IQCE: variants seen among roughly 807,000 people sequenced by gnomAD.
The protein encoded by IQCE is IQ motif containing E.
In IQCE, 115 loss-of-function variants were observed where a neutral mutation model predicts 96.0. The observed-to-expected ratio is 1.20, with a 90% CI of 1.03 to 1.40. The LOEUF is 1.40. Ranked by LOEUF, IQCE falls within the 40% of genes most tolerant of loss-of-function variation. The pLI is 0.00. For missense variants in IQCE, 1,041 were observed against 909.1 expected, an observed-to-expected ratio of 1.15 and a Z score of -1.87; for synonymous variants, 412 against 371.2, an observed-to-expected ratio of 1.11 and a Z score of -1.26.
intron 1 of IQCE, 33 bp downstream of exon 1, chr7:2,559,250 G>C: frequency 8.4e-7 from 1 of 1,193,074 alleles, no homozygotes; most frequent in East Asian, 3.4e-5. Flanking sequence ...CGCCGGGCGG[G>C]CGTCCGCGAG....
chr7:2,594,540 G>A (rs546141631), intron 15 of IQCE, among the ~76,000 whole-genome samples: 13 of 152,368 alleles, frequency 8.5e-5, no homozygotes, highest in African/African-American at 2.6e-4. Context: ...GATCACAGGC[G>A]TCCGGCCTGG....
intron 6 of IQCE, among the ~76,000 whole-genome samples, chr7:2,575,980 G>A (rs1425211314): frequency 1.3e-5 from 2 of 152,192 alleles, no homozygotes; most frequent in Non-Finnish European, 2.9e-5. Flanking sequence ...TCTTGGAAGC[G>A]GCAGTCCCGT....
intron 18 of IQCE, among the ~76,000 whole-genome samples, chr7:2,602,768 A>C (rs1401823791): frequency 6.6e-6 from 1 of 152,172 alleles, no homozygotes; most frequent in Admixed American, 6.5e-5. Flanking sequence ...CCAGCCAGAC[A>C]CTGTCCAAAT....
chr7:2,575,202 G>C (rs989850048), intron 6 of IQCE, among the ~76,000 whole-genome samples: 10 of 152,260 alleles, frequency 6.6e-5, no homozygotes, highest in Non-Finnish European at 1.5e-4. Flanking sequence ...TCAATCCTGT[G>C]TTGTGGCAGG....
rs201584093 is a variant in IQCE, at chr7:2,584,673, G to A, written c.824+388G>A. On this transcript the variant is annotated intron_variant, in intron 11 of 21. Transcript: ENST00000402050. ...AAATAAGTTTATCAGGAGAAACACC[G>A]AGGTTCTCCTTGTCTGGTAGATCTC... 5 of 196,876 alleles carry A rather than the reference G, an allele frequency of 2.5e-5. No individual in the cohort carries two copies. In the East Asian group the frequency reaches 4.3e-4, roughly 17 times the overall value. 12.2% of individuals were successfully genotyped at this position (196,876 alleles called of 1,614,324 possible). A position where few individuals can be genotyped will look rare whatever the true frequency, so the allele number is the denominator to read the frequency against.
chr7:2,594,695 G>A (rs1413566044), intron 15 of IQCE, among the ~76,000 whole-genome samples, 191 bp from the exon 16 acceptor site: 2 of 152,270 alleles, frequency 1.3e-5, no homozygotes. Context: ...GTCCCGGCCT[G>A]CGATGGTTTC....
In IQCE at chr7:2,583,645, A is replaced by G; in HGVS notation, c.710A>G (p.Gln237Arg). The G allele has an allele frequency of 6.3e-7, 1 of 1,591,664 alleles. No individual in the cohort carries two copies. Among genetic ancestry groups the G allele is most frequent in the South Asian group, 1.1e-5 (1 of 90,634 alleles). ...TGAACTTGGGTTTTCAGCAAACTCCAGACCGATATGAAGACTACCAACCTG... is the reference window on the plus strand; with the variant it reads ...TGAACTTGGGTTTTCAGCAAACTCCGGACCGATATGAAGACTACCAACCTG... The part of the protein sequence containing the change: ...KEKDGTISKL[Q>R]TDMKTTNLEE... Residue 237 changes from glutamine to arginine, a missense_variant, in exon 10 of 22, where the codon CAG becomes CGG. By Grantham distance (43) the Gln-to-Arg change is conservative. Coordinates refer to ENST00000402050, the MANE Select transcript of IQCE (RefSeq NM_152558.5).
chr7:2,592,204 C>T (rs533023662), intron 14 of IQCE, among the ~76,000 whole-genome samples: 1 of 152,348 alleles, frequency 6.6e-6, no homozygotes, highest in South Asian at 2.1e-4. Context: ...CACCACTGTC[C>T]TTACCCCTCA....
chr7:2,605,181 C>T (rs975548359), intron 19 of IQCE, among the ~76,000 whole-genome samples, 190 bp downstream of exon 19: 1 of 152,222 alleles, frequency 6.6e-6, no homozygotes, highest in Non-Finnish European at 1.5e-5. Flanking sequence ...TGCACAGGCC[C>T]CGGATGGATG....
intron 14 of IQCE, among the ~76,000 whole-genome samples, chr7:2,590,791 A>G (rs933617824): frequency 1.4e-5 from 2 of 144,886 alleles, no homozygotes; most frequent in Non-Finnish European, 3.1e-5. Context: ...GTGGGAGAGC[A>G]CATTTAAATC....
chr7:2,605,492 C>T (rs930415290), intron 19 of IQCE, among the ~76,000 whole-genome samples: 19 of 152,102 alleles, frequency 1.2e-4, no homozygotes, highest in South Asian at 6.2e-4. Context: ...TGGTGGCGGG[C>T]GCCCGCAGTC....
intron 18 of IQCE, among the ~76,000 whole-genome samples, chr7:2,603,976 G>C (rs1361198356): frequency 7.3e-6 from 1 of 136,898 alleles, no homozygotes; most frequent in Non-Finnish European, 1.5e-5. Flanking sequence ...AACTTCTTAC[G>C]GAGCTTCCCT....
At position 2,583,700 on chromosome 7, in the gene IQCE, C is replaced by G; in HGVS notation, c.765C>G (p.Tyr255Ter). ...LEEMRIAMET[Y>*]YEEVHRLQTL... is the part of the protein sequence containing the mutation. Reference sequence around the variant, plus strand: ...AGATGCGGATCGCCATGGAGACATACTACGAGGAGGTGCGCCGTGCTGGGC... The same window carrying G: ...AGATGCGGATCGCCATGGAGACATAGTACGAGGAGGTGCGCCGTGCTGGGC... Residue 255 changes from tyrosine (Y) to a stop codon, truncating the protein, a stop_gained, in exon 10 of 22, where the codon TAC becomes TAG. Transcript: ENST00000402050. LOFTEE classifies it high-confidence loss of function. 4 of 1,544,428 alleles carry G rather than the reference C, an allele frequency of 2.6e-6. No individual in the cohort carries two copies. Among genetic ancestry groups the G allele is most frequent in the Non-Finnish European group, 2.6e-6 (3 of 1,138,986 alleles).
chr7:2,573,891 T>C (rs1781936830), intron 6 of IQCE, among the ~76,000 whole-genome samples: 5 of 152,184 alleles, frequency 3.3e-5, no homozygotes, highest in Admixed American at 3.3e-4. Flanking sequence ...TCAGGCCCTC[T>C]ACAGAAGCTC....
At chr7:2,605,661 T>C (rs1784760886) in intron 19 of IQCE, among the ~76,000 whole-genome samples, 1 of 151,456 alleles carries the variant, frequency 6.6e-6, no homozygotes, top group African/African-American at 2.4e-5. Context: ...AATAAATAAA[T>C]AAATAGATAA....
intron 5 of IQCE, 66 bp downstream of exon 5, chr7:2,572,392 G>C: frequency 2.0e-6 from 3 of 1,523,068 alleles, no homozygotes; most frequent in Non-Finnish European, 2.7e-6. Context: ...CAGTCTCTGG[G>C]CTGGAGGCGT....
Position 2,559,178 on chromosome 7 carries a change from C to T in IQCE, c.-4C>T, listed in dbSNP as rs1056239761. ...CTGAGGGGCGGCCGGGCAGCGCCGCCACCATGTTCCTGGGCACCGGGGAGC... is the reference window on the plus strand; with the variant it reads ...CTGAGGGGCGGCCGGGCAGCGCCGCTACCATGTTCCTGGGCACCGGGGAGC... On this transcript the variant is annotated 5_prime_UTR_variant, in exon 1 of 22. Coordinates refer to ENST00000402050, the MANE Select transcript of IQCE (RefSeq NM_152558.5). 1.6e-6 allele frequency: 2 copies of T among 1,216,482 alleles called. No homozygotes were observed. The allele number at this position is 1,216,482 out of a possible 1,614,324, so 75.4% of individuals were successfully genotyped here.
intron 6 of IQCE, among the ~76,000 whole-genome samples, chr7:2,577,934 G>A (rs1299067649): frequency 7.8e-6 from 1 of 128,864 alleles, no homozygotes; most frequent in Admixed American, 7.6e-5. Flanking sequence ...ACGTGTGTGC[G>A]GCGTGCCCGC....
At chr7:2,609,519 A>G (rs1192093584) in intron 21 of IQCE, among the ~76,000 whole-genome samples, 1 of 152,198 alleles carries the variant, frequency 6.6e-6, no homozygotes, top group Non-Finnish European at 1.5e-5. Context: ...AATGGCTTTC[A>G]GGGAATGACT....
Sources: allele counts gnomAD v4.1 joint callset (sites outside exome capture counted in the v4.1 genomes callset), GRCh38; gene constraint gnomAD v4.1.1; transcripts MANE v1.5; gene names NCBI Gene and HGNC (gene_info 2026-07-23, HGNC 2026-07-21).